The following ATXN10 variants were observed in gnomAD, a reference collection of about 807,000 sequenced individuals.
The protein encoded by ATXN10 is ataxin 10.
ATXN10 carries 28 observed loss-of-function variants against 52.9 expected under a neutral mutation model. The observed-to-expected ratio is 0.53, with a 90% CI of 0.39 to 0.73. The LOEUF is 0.73. Ranked by LOEUF, ATXN10 falls within the 30% of genes least tolerant of loss-of-function variation. The pLI, the probability that ATXN10 is intolerant of heterozygous loss-of-function variation, is 0.00. For missense variants in ATXN10, 565 were observed against 577.0 expected, an observed-to-expected ratio of 0.98 and a Z score of 0.21; for synonymous variants, 226 against 221.5, an observed-to-expected ratio of 1.02 and a Z score of -0.18.
intron 5 of ATXN10, among the ~76,000 whole-genome samples, chr22:45,707,105 T>G (rs1056158700): frequency 2.6e-5 from 4 of 152,196 alleles, no homozygotes; most frequent in African/African-American, 9.7e-5. Context: ...ATTATAAAAT[T>G]TATCACAAAT....
At chr22:45,703,514 C>G (rs942251417) in intron 5 of ATXN10, among the ~76,000 whole-genome samples, 2 of 152,160 alleles carry the variant, frequency 1.3e-5, no homozygotes, top group Non-Finnish European at 2.9e-5. Context: ...TCTCTCTCCA[C>G]TTCTTCTGGG....
chr22:45,751,763 A>AAAAAAAATAATAAT, intron 9 of ATXN10, among the ~76,000 whole-genome samples: 3 of 66,630 alleles, frequency 4.5e-5, no homozygotes, highest in Non-Finnish European at 8.8e-5. Flanking sequence ...AATAAAAAAA[A>AAAAAAAATAATAAT]AATAATAATA....
chr22:45,717,950 G>A (rs764076301), intron 5 of ATXN10, among the ~76,000 whole-genome samples: 4 of 152,128 alleles, frequency 2.6e-5, no homozygotes, highest in Non-Finnish European at 5.9e-5. Context: ...TGACAATGAG[G>A]ATGTTTTCTT....
chr22:45,818,525 A>T lies in ATXN10; in HGVS notation c.1237+11503A>T, dbSNP rs1928540171. Among the ~76,000 whole-genome samples the T allele has an allele frequency of 6.6e-6, 1 of 152,108 alleles. No individual in the cohort carries two copies. The highest frequency in any genetic ancestry group is 2.4e-5 in the African/African-American group (1 of 41,414). ...CGCCAGCCTGTTGTTTTTCAGAGCG[A>T]GGTTCTCAGTGTGAGCCATGTGGGC... On this transcript the variant is annotated intron_variant, in intron 10 of 11. Transcript: ENST00000252934. The surrounding 1 kb of genome is among the most constrained non-coding windows in gnomAD (Gnocchi z 4.6).
intron 10 of ATXN10, among the ~76,000 whole-genome samples, chr22:45,830,188 C>T (rs1355115201): frequency 6.6e-6 from 1 of 152,068 alleles, no homozygotes; most frequent in Non-Finnish European, 1.5e-5. Context: ...GAAACTGAAC[C>T]CTTACTTAAC....
chr22:45,731,246 T>C (rs1303317678), intron 7 of ATXN10, among the ~76,000 whole-genome samples: 4 of 152,210 alleles, frequency 2.6e-5, no homozygotes, highest in Admixed American at 2.6e-4. Flanking sequence ...GAAAACATGC[T>C]GGCTGATTCC....
At chr22:45,767,047 G>A (rs925739676) in intron 9 of ATXN10, among the ~76,000 whole-genome samples, 4 of 152,218 alleles carry the variant, frequency 2.6e-5, no homozygotes, top group Non-Finnish European at 2.9e-5. Flanking sequence ...AGCCGTCTTC[G>A]TAGATAGGAA....
rs1213227288 is a variant in ATXN10, at chr22:45,835,108, A to C, written c.1238-7883A>C. Among the ~76,000 whole-genome samples, 1 of 152,016 alleles carries C rather than the reference A, an allele frequency of 6.6e-6. No homozygotes were observed. Among genetic ancestry groups the C allele is most frequent in the Non-Finnish European group, 1.5e-5 (1 of 68,020 alleles). On this transcript the variant is annotated intron_variant, in intron 10 of 11. Transcript: ENST00000252934. This position sits in a 1 kb window ranked among gnomAD's most constrained non-coding sequence, Gnocchi z 5.0. ...TGCCACAGGATCCTTCACCGCCAAA[A>C]CCCCGTGAATGTGAGGTACCTGTGA... is the stretch of plus-strand genomic sequence containing the variant.
intron 3 of ATXN10, among the ~76,000 whole-genome samples, chr22:45,699,311 C>CT (rs1923742740): frequency 6.6e-6 from 1 of 152,016 alleles, no homozygotes; most frequent in Non-Finnish European, 1.5e-5. Context: ...AAGCCTTTTC[C>CT]TTTTCAGAAT....
At chr22:45,719,477 C>A (rs942066322) in intron 6 of ATXN10, among the ~76,000 whole-genome samples, 7 of 151,900 alleles carry the variant, frequency 4.6e-5, no homozygotes, top group Non-Finnish European at 1.0e-4. Context: ...TATATGTATA[C>A]CCCCATTACA....
chr22:45,798,264 C>T (rs1398580505), intron 9 of ATXN10, among the ~76,000 whole-genome samples: 2 of 152,096 alleles, frequency 1.3e-5, no homozygotes, highest in East Asian at 3.8e-4. Flanking sequence ...TGGTCAGAAA[C>T]ATAAAAACAC....
intron 1 of ATXN10, chr22:45,675,992 A>G (rs564514632): frequency 7.9e-5 from 12 of 152,288 alleles, no homozygotes; most frequent in African/African-American, 2.9e-4. Context: ...ATATCACCGT[A>G]TTTCACATTT....
chr22:45,686,383 C>A (rs937599582), intron 1 of ATXN10, among the ~76,000 whole-genome samples: 1 of 152,082 alleles, frequency 6.6e-6, no homozygotes, highest in Non-Finnish European at 1.5e-5. Context: ...ACAGTCTAGC[C>A]GGGGAGATAG....
chr22:45,739,311 A>G (rs1197149855), intron 8 of ATXN10, among the ~76,000 whole-genome samples: 2 of 152,240 alleles, frequency 1.3e-5, no homozygotes, highest in Admixed American at 1.3e-4. Context: ...ACCATTGTTA[A>G]AAGTATTACC....
At chr22:45,711,283 A>C (rs1023467168) in intron 5 of ATXN10, among the ~76,000 whole-genome samples, 1 of 152,176 alleles carries the variant, frequency 6.6e-6, no homozygotes, top group South Asian at 2.1e-4. Context: ...CCAAAGGTTA[A>C]ATAATGTATC....
chr22:45,814,158 G>A (rs888170156), intron 10 of ATXN10, among the ~76,000 whole-genome samples: 4 of 152,168 alleles, frequency 2.6e-5, no homozygotes, highest in East Asian at 1.9e-4. Context: ...TTGGGCAAGC[G>A]TTTCTTAAGG....
intron 2 of ATXN10, 68 bp downstream of exon 2, chr22:45,689,971 A>G (rs1205517823): frequency 1.4e-5 from 21 of 1,553,650 alleles, no homozygotes; most frequent in Non-Finnish European, 1.8e-5. Context: ...CATTTGGTTT[A>G]TCTGTTAGAA....
rs1366039902 is a variant in ATXN10, at chr22:45,828,520, G to A, written c.1238-14471G>A. 6.6e-6 allele frequency among the ~76,000 whole-genome samples: 1 copy of A among 152,106 alleles called. No homozygotes were observed. Among genetic ancestry groups the A allele is most frequent in the Non-Finnish European group, 1.5e-5 (1 of 68,020 alleles). On this transcript the variant is annotated intron_variant, in intron 10 of 11. Coordinates refer to ENST00000252934, the MANE Select transcript of ATXN10 (RefSeq NM_013236.4). This position sits in a 1 kb window ranked among gnomAD's most constrained non-coding sequence, Gnocchi z 4.5. ...AAGTTGACCAACTTTTAGCTAGGTG[G>A]ACTAAGGTAAAAAGACTCAAATTAT... is the stretch of plus-strand genomic sequence containing the variant.
In ATXN10 at chr22:45,795,293, A is replaced by C. The variant is rs1927669818; in HGVS notation, c.1174-11666A>C. On this transcript the variant is annotated intron_variant, in intron 9 of 11. Coordinates refer to ENST00000252934, the MANE Select transcript of ATXN10 (RefSeq NM_013236.4). The surrounding 1 kb of genome is among the most constrained non-coding windows in gnomAD (Gnocchi z 4.6). ...AGATGGCAGAATGATAAACTCAATC[A>C]TGTTGATAAATATATTAAATGTAAA... Among the ~76,000 whole-genome samples, 1 of 152,244 alleles carries C rather than the reference A, an allele frequency of 6.6e-6. No individual in the cohort carries two copies. The highest frequency in any genetic ancestry group is 2.4e-5 in the African/African-American group (1 of 41,462).
Sources: allele counts gnomAD v4.1 joint callset (sites outside exome capture counted in the v4.1 genomes callset), GRCh38; gene constraint gnomAD v4.1.1; non-coding constraint Gnocchi (gnomAD v3.1); transcripts MANE v1.5; gene names NCBI Gene and HGNC (gene_info 2026-07-23, HGNC 2026-07-21).